Variants in SGMS1 observed in about 807,000 individuals in gnomAD.
The protein encoded by SGMS1 is sphingomyelin synthase 1, also known as phosphatidylcholine:ceramide cholinephosphotransferase 1.
A neutral mutation model predicts 46.2 loss-of-function variants in SGMS1; 13 were observed. That is an observed-to-expected ratio of 0.28 (90% CI 0.18 to 0.45). The LOEUF (loss-of-function observed/expected upper bound fraction) is 0.45, where lower values mean the gene tolerates loss of function less well. Ranked by LOEUF, SGMS1 falls within the 20% of genes least tolerant of loss-of-function variation. The pLI is 1.00. For missense variants in SGMS1, 324 were observed against 519.9 expected (o/e 0.62, Z 3.66); for synonymous variants, 203 against 187.8 (o/e 1.08, Z -0.66).
chr10:50,431,079 T>G (rs2133615075), intron 6 of SGMS1, among the ~76,000 whole-genome samples: 1 of 152,326 alleles, frequency 6.6e-6, no homozygotes, highest in East Asian at 1.9e-4. Context: ...GAATGTTATA[T>G]CTATAATAAA....
intron 1 of SGMS1, among the ~76,000 whole-genome samples, chr10:50,596,175 ATT>A (rs71457582): frequency 0.16 from 22,319 of 139,450 alleles, 1,833 homozygotes; most frequent in Admixed American, 0.26. Flanking sequence ...TTGTATCACG[ATT>A]TTTTTTTTTT....
chr10:50,314,303 G>C (rs556836132), intron 8 of SGMS1, among the ~76,000 whole-genome samples: 4 of 152,132 alleles, frequency 2.6e-5, no homozygotes, highest in East Asian at 3.9e-4. Flanking sequence ...TGGAGGGGAT[G>C]GGGGGAAGCA....
chr10:50,357,822 A>T (rs1848178152), intron 6 of SGMS1, among the ~76,000 whole-genome samples: 1 of 152,250 alleles, frequency 6.6e-6, no homozygotes, highest in South Asian at 2.1e-4. Context: ...AGGACTCAAG[A>T]TTGAACAAAC....
At chr10:50,320,860 C>T (rs1045782144) in intron 8 of SGMS1, among the ~76,000 whole-genome samples, 3 of 152,340 alleles carry the variant, frequency 2.0e-5, no homozygotes, top group Admixed American at 6.5e-5. Context: ...GAGGTGCCTC[C>T]GGTGTCTGTG....
intron 7 of SGMS1, among the ~76,000 whole-genome samples, chr10:50,330,853 G>T (rs17721187): frequency 0.045 from 6,892 of 152,166 alleles, 223 homozygotes; most frequent in Non-Finnish European, 0.067. Flanking sequence ...AAACATGAAC[G>T]GACAGACAAT....
intron 3 of SGMS1, among the ~76,000 whole-genome samples, chr10:50,470,755 G>T (rs1046408141): frequency 6.6e-6 from 1 of 152,032 alleles, no homozygotes; most frequent in African/African-American, 2.4e-5. Context: ...TGATTGTCTT[G>T]GGCAAGTTAC....
chr10:50,426,186 G>T (rs1020902443), intron 6 of SGMS1, among the ~76,000 whole-genome samples: 1 of 152,062 alleles, frequency 6.6e-6, no homozygotes, highest in African/African-American at 2.4e-5. Context: ...CATAATCTGG[G>T]GGAGATTTTC....
chr10:50,394,757 G>A (rs956794), intron 6 of SGMS1, among the ~76,000 whole-genome samples: 5,216 of 152,270 alleles, frequency 0.034, 137 homozygotes, highest in Non-Finnish European at 0.046. Flanking sequence ...CAGGCTGTTA[G>A]ACCCTAATAC....
intron 7 of SGMS1, among the ~76,000 whole-genome samples, chr10:50,339,703 T>C (rs1847780435): frequency 6.6e-6 from 1 of 152,244 alleles, no homozygotes; most frequent in South Asian, 2.1e-4. Flanking sequence ...AAGCACTTTG[T>C]ATGTGCCAGG....
intron 6 of SGMS1, among the ~76,000 whole-genome samples, chr10:50,430,419 G>A (rs987141744): frequency 7.0e-6 from 1 of 143,578 alleles, no homozygotes; most frequent in East Asian, 2.1e-4. Flanking sequence ...CCATTTTAGA[G>A]GGAAAATAAA....
chr10:50,572,021 C>T (rs1436063247), intron 2 of SGMS1, among the ~76,000 whole-genome samples: 1 of 152,152 alleles, frequency 6.6e-6, no homozygotes, highest in East Asian at 1.9e-4. Flanking sequence ...AATCTACCAC[C>T]ATGTATCTTG....
intron 5 of SGMS1, among the ~76,000 whole-genome samples, chr10:50,444,349 T>C (rs935663373): frequency 2.6e-5 from 4 of 152,074 alleles, no homozygotes; most frequent in African/African-American, 9.7e-5. Context: ...CTTATATCCC[T>C]CATAAAACAT....
chr10:50,531,368 T>C (rs1837951675), intron 2 of SGMS1, among the ~76,000 whole-genome samples: 1 of 145,974 alleles, frequency 6.9e-6, no homozygotes, highest in African/African-American at 2.4e-5. Context: ...GCCATACATG[T>C]TTACTTATTT....
chr10:50,501,661 T>C (rs1487012581), intron 3 of SGMS1, among the ~76,000 whole-genome samples: 4 of 152,100 alleles, frequency 2.6e-5, no homozygotes. Context: ...CCTACATAAA[T>C]CTAGTGAGTC....
intron 7 of SGMS1, among the ~76,000 whole-genome samples, chr10:50,341,791 C>A (rs562084151): frequency 1.3e-5 from 2 of 152,072 alleles, no homozygotes; most frequent in Middle Eastern, 3.4e-3. Flanking sequence ...ACCAGGAAAA[C>A]GCAAAATCAT....
chr10:50,553,389 G>A (rs1425251944), intron 2 of SGMS1, among the ~76,000 whole-genome samples: 1 of 151,834 alleles, frequency 6.6e-6, no homozygotes, highest in Non-Finnish European at 1.5e-5. Context: ...TTGCTCTGTG[G>A]GTTTAATGAG....
chr10:50,529,266 C>A (rs575425898), intron 2 of SGMS1, among the ~76,000 whole-genome samples: 1 of 152,318 alleles, frequency 6.6e-6, no homozygotes, highest in Admixed American at 6.5e-5. Context: ...AAGAAGGCAG[C>A]AAGAAAGTTC....
chr10:50,403,298 T>C (rs554373786), intron 6 of SGMS1, among the ~76,000 whole-genome samples: 1 of 152,286 alleles, frequency 6.6e-6, no homozygotes, highest in African/African-American at 2.4e-5. Context: ...GCATGTTCAA[T>C]GTTCCATAAA....
chr10:50,343,577 C>T lies in SGMS1; in HGVS notation c.538G>A (p.Val180Met). The change falls in exon 7 of 11, where the codon GTG becomes ATG. Residue 180 changes from valine (V) to methionine (M), a missense_variant. Physicochemically the swap from Val to Met is conservative, Grantham distance 21. This residue lies in a region of SGMS1 where 174 missense variants were observed against 350.1 expected (regional missense o/e 0.50). Transcript: ENST00000361781. ...PDTFFDHFNR[V>M]QWAFSICEIN... is the part of the protein sequence containing the mutation. ...TCACAAATAGAAAAGGCCCACTGCA[C>T]CCGGTTAAAATGGTCAAAAAATGTG... 1 of 1,614,076 alleles carries T rather than the reference C, an allele frequency of 6.2e-7. No homozygotes were observed. The highest frequency in any genetic ancestry group is 8.5e-7 in the Non-Finnish European group (1 of 1,180,032).
Sources: gnomAD v4.1 joint callset for allele counts (sites outside exome capture counted in the v4.1 genomes callset) on GRCh38, gnomAD v4.1.1 for gene constraint, gnomAD v4.1.1 regional missense constraint, MANE v1.5 for transcripts, NCBI Gene and HGNC (gene_info 2026-07-23, HGNC 2026-07-21) for gene names.